ACOXL: variants seen among roughly 807,000 people sequenced by gnomAD.
ACOXL encodes acyl-coenzyme A oxidase-like protein.
A neutral mutation model predicts 71.9 loss-of-function variants in ACOXL; 70 were observed. The ratio of observed to expected loss-of-function variants is 0.97; its 90% CI spans 0.80 to 1.19. The LOEUF (loss-of-function observed/expected upper bound fraction) is 1.19. Ranked by LOEUF, ACOXL falls within the 50% of genes most tolerant of loss-of-function variation. The pLI, the probability that ACOXL is intolerant of heterozygous loss-of-function variation, is 0.00. For missense variants in ACOXL, 703 were observed against 736.3 expected, an observed-to-expected ratio of 0.95 and a Z score of 0.52; for synonymous variants, 253 against 281.6, an observed-to-expected ratio of 0.90 and a Z score of 1.02.
intron 16 of ACOXL, among the ~76,000 whole-genome samples, chr2:111,089,484 A>G (rs1417794714): frequency 1.3e-5 from 2 of 152,214 alleles, no homozygotes; most frequent in African/African-American, 4.8e-5. Context: ...ATCAGCTGAC[A>G]AGACTTTACA....
intron 2 of ACOXL, among the ~76,000 whole-genome samples, chr2:110,781,124 GCCC>G (rs1227737700): frequency 2.0e-5 from 3 of 152,224 alleles, no homozygotes; most frequent in Admixed American, 1.3e-4. Flanking sequence ...GGAAGGGAAT[GCCC>G]TGTGCTCTTG....
chr2:110,788,538 A>G (rs189834909), intron 3 of ACOXL, among the ~76,000 whole-genome samples: 12 of 152,170 alleles, frequency 7.9e-5, no homozygotes, highest in Non-Finnish European at 1.5e-5. Context: ...TGGGATGATG[A>G]AAAAGTTTTG....
At position 110,805,166 on chromosome 2, in the gene ACOXL, A is replaced by T. The variant is rs577241988; in HGVS notation, c.621-97A>T. ...GGAAGTTCCACGATGGGGAAATCCG[A>T]GTGCTTCCCTGTGTATGCACATGGG... On this transcript the variant is annotated intron_variant, in intron 8 of 17. Transcript: ENST00000439055. 1.1e-5 allele frequency: 16 copies of T among 1,475,476 alleles called. No individual in the cohort carries two copies. In the Admixed American group the frequency reaches 2.5e-4, roughly 23 times the overall value. The allele number at this position is 1,475,476 out of a possible 1,614,324, so 91.4% of individuals were successfully genotyped here. A position where few individuals can be genotyped will look rare whatever the true frequency, so the allele number is the denominator to read the frequency against.
intron 16 of ACOXL, among the ~76,000 whole-genome samples, chr2:111,085,533 G>T (rs1485352639): frequency 1.3e-5 from 2 of 152,074 alleles, no homozygotes; most frequent in African/African-American, 2.4e-5. Flanking sequence ...AAACTAATGA[G>T]AACAGAGATA....
At chr2:111,117,390 A>G in intron 17 of ACOXL, among the ~76,000 whole-genome samples, 1 of 152,228 alleles carries the variant, frequency 6.6e-6, no homozygotes, top group African/African-American at 2.4e-5. Context: ...CCCTTACGGG[A>G]AAAGCCGGGG....
chr2:110,934,291 A>G (rs890435435), intron 12 of ACOXL, among the ~76,000 whole-genome samples: 3 of 152,174 alleles, frequency 2.0e-5, no homozygotes, highest in Non-Finnish European at 4.4e-5. Context: ...CAGGACACGC[A>G]GCATGAGGCT....
At chr2:111,082,965 A>ATAAGTGGGAGT (rs1184197893) in intron 16 of ACOXL, among the ~76,000 whole-genome samples, 1 of 152,086 alleles carries the variant, frequency 6.6e-6, no homozygotes, top group African/African-American at 2.4e-5. Context: ...GTTCTCACTC[A>ATAAGTGGGAGT]TAAGTGGGAG....
chr2:110,837,241 G>A lies in ACOXL; in HGVS notation c.754-4130G>A, dbSNP rs111658849. On this transcript the variant is annotated intron_variant, in intron 9 of 17. Transcript: ENST00000439055. ...CTCTCCTTTTCACCTGCTCTTGGCA[G>A]CCATGTGTGAGAGAGCACATCTTCA... 3.3e-3 allele frequency among the ~76,000 whole-genome samples: 505 copies of A among 152,246 alleles called. 3 individuals carry two copies. The highest frequency in any genetic ancestry group is 0.011 in the African/African-American group (470 of 41,534).
At chr2:110,844,348 A>G (rs1691528201) in intron 10 of ACOXL, among the ~76,000 whole-genome samples, 1 of 152,222 alleles carries the variant, frequency 6.6e-6, no homozygotes, top group African/African-American at 2.4e-5. Flanking sequence ...AAGTACAACA[A>G]CATTTGTAAA....
chr2:110,784,371 G>A (rs1184883676), intron 2 of ACOXL, among the ~76,000 whole-genome samples: 1 of 152,166 alleles, frequency 6.6e-6, no homozygotes, highest in Non-Finnish European at 1.5e-5. Context: ...GGGCAGAACC[G>A]TGGGGGTGCC....
At chr2:110,863,535 A>C (rs181122548) in intron 10 of ACOXL, among the ~76,000 whole-genome samples, 2 of 152,302 alleles carry the variant, frequency 1.3e-5, no homozygotes, top group African/African-American at 2.4e-5. Context: ...TATTCAGGAA[A>C]AAAAATTAAA....
intron 17 of ACOXL, chr2:111,113,042 A>T (rs2070101126): frequency 6.6e-6 from 1 of 152,268 alleles, no homozygotes; most frequent in Non-Finnish European, 1.5e-5. Context: ...CTAGGCACAC[A>T]CAGAATACAG....
rs566809328 is a variant in ACOXL, at chr2:111,000,459, C to T, written c.1281+4455C>T. On this transcript the variant is annotated intron_variant, in intron 14 of 17. Coordinates refer to ENST00000439055, the MANE Select transcript of ACOXL (RefSeq NM_001142807.4). ...ATATGGTTTTGAAGATCCCTGAGCT[C>T]TTCATATGGTCAATGTGTTCATTTC... Among the ~76,000 whole-genome samples, 7 of 152,276 alleles carry T rather than the reference C, an allele frequency of 4.6e-5. No individual in the cohort carries two copies. The South Asian group carries it at 8.3e-4, about 18-fold the overall frequency.
At chr2:110,842,955 C>G (rs778559670) in intron 10 of ACOXL, among the ~76,000 whole-genome samples, 2 of 152,202 alleles carry the variant, frequency 1.3e-5, no homozygotes, top group African/African-American at 4.8e-5. Context: ...GTGCTCTTCC[C>G]TTGTAACCCC....
At position 110,768,471 on chromosome 2, in the gene ACOXL, G is replaced by C. The variant is rs779883649; in HGVS notation, c.75+7G>C. ...ACGTGCAGGTCAGGATCTGGTAAGTGTCATTATTATTCTGGTATGGTTGTG... is the reference window on the plus strand; with the variant it reads ...ACGTGCAGGTCAGGATCTGGTAAGTCTCATTATTATTCTGGTATGGTTGTG... On this transcript the variant is annotated splice_region_variant and intron_variant, in intron 2 of 17. Coordinates refer to ENST00000439055, the MANE Select transcript of ACOXL (RefSeq NM_001142807.4). 1 of 1,609,786 alleles carries C rather than the reference G, an allele frequency of 6.2e-7. No individual in the cohort carries two copies. Among genetic ancestry groups the C allele is most frequent in the South Asian group, 1.1e-5 (1 of 90,994 alleles).
intron 14 of ACOXL, among the ~76,000 whole-genome samples, chr2:111,009,194 C>G (rs187184568): frequency 1.3e-5 from 2 of 152,066 alleles, no homozygotes; most frequent in African/African-American, 4.8e-5. Flanking sequence ...TCATGAAAGC[C>G]TCAATATTGT....
chr2:111,010,630 A>C (rs1167186015), intron 14 of ACOXL, among the ~76,000 whole-genome samples: 1 of 152,160 alleles, frequency 6.6e-6, no homozygotes, highest in Non-Finnish European at 1.5e-5. Context: ...CAAATATAAA[A>C]ATAAGAGCCC....
chr2:110,837,540 T>G (rs947297336), intron 9 of ACOXL, among the ~76,000 whole-genome samples: 5 of 152,142 alleles, frequency 3.3e-5, no homozygotes, highest in African/African-American at 1.2e-4. Context: ...CTACAGCTGG[T>G]GTACTTCTGG....
At position 110,914,704 on chromosome 2, in the gene ACOXL, G is replaced by A. The variant is rs190964545; in HGVS notation, c.905+5799G>A. Among the ~76,000 whole-genome samples the A allele has an allele frequency of 1.3e-4, 20 of 152,174 alleles. No individual in the cohort carries two copies. In the East Asian group the frequency reaches 3.7e-3, roughly 28 times the overall value. On this transcript the variant is annotated intron_variant, in intron 11 of 17. Transcript: ENST00000439055. The stretch of plus-strand genomic sequence containing the variant: ...CTTATTACACTGGACAAAACCTTCA[G>A]TACAATATTGAGTAGCAGTGGTGAG...
Sources: allele counts gnomAD v4.1 joint callset (sites outside exome capture counted in the v4.1 genomes callset), GRCh38; gene constraint gnomAD v4.1.1; transcripts MANE v1.5; gene names NCBI Gene and HGNC (gene_info 2026-07-23, HGNC 2026-07-21).